SEMA3E: variants seen among roughly 807,000 people sequenced by gnomAD.
SEMA3E encodes semaphorin 3E.
Under a neutral mutation model 93.6 loss-of-function variants are expected in SEMA3E, and 49 were observed. The observed-to-expected ratio is 0.52, with a 90% CI of 0.42 to 0.66. SEMA3E has a LOEUF of 0.66. SEMA3E is among the 30% of genes least tolerant of loss of function. The pLI, the probability that SEMA3E is intolerant of heterozygous loss-of-function variation, is 0.00. For missense variants in SEMA3E, 906 were observed against 964.8 expected (o/e 0.94, Z 0.81); for synonymous variants, 363 against 330.7 (o/e 1.10, Z -1.06).
intron 1 of SEMA3E, among the ~76,000 whole-genome samples, chr7:83,580,243 A>T (rs1367648551): frequency 6.6e-6 from 1 of 151,964 alleles, no homozygotes; most frequent in Non-Finnish European, 1.5e-5. Context: ...AAATGTTTGG[A>T]TTGCCTGTAA....
chr7:83,498,404 G>C (rs991783266), intron 1 of SEMA3E, among the ~76,000 whole-genome samples: 1 of 151,916 alleles, frequency 6.6e-6, no homozygotes, highest in Non-Finnish European at 1.5e-5. Flanking sequence ...ACACAAATCC[G>C]ATTTTAGTAT....
intron 12 of SEMA3E, among the ~76,000 whole-genome samples, chr7:83,395,667 T>G (rs2115595429): frequency 6.6e-6 from 1 of 152,290 alleles, no homozygotes; most frequent in East Asian, 1.9e-4. Flanking sequence ...ATGTCTGTGC[T>G]TTTTGTTGAT....
chr7:83,583,288 C>T (rs1792552179), intron 1 of SEMA3E, among the ~76,000 whole-genome samples: 1 of 152,080 alleles, frequency 6.6e-6, no homozygotes, highest in Non-Finnish European at 1.5e-5. Context: ...TACATATATG[C>T]ATTGTGTAAT....
chr7:83,479,524 A>T (rs895159928), intron 2 of SEMA3E, among the ~76,000 whole-genome samples: 3 of 152,228 alleles, frequency 2.0e-5, no homozygotes, highest in African/African-American at 7.2e-5. Context: ...TTTCTATGGT[A>T]GCACATTAGA....
intron 6 of SEMA3E, 49 bp from the exon 7 acceptor site, chr7:83,407,288 A>C: frequency 1.4e-6 from 2 of 1,437,638 alleles, no homozygotes; most frequent in East Asian, 4.6e-5. Flanking sequence ...ATTACAACTA[A>C]ATGCTAACAA....
chr7:83,538,545 G>A (rs147633191), intron 1 of SEMA3E, among the ~76,000 whole-genome samples: 3 of 152,004 alleles, frequency 2.0e-5, no homozygotes, highest in Admixed American at 2.0e-4. Flanking sequence ...CCTCCAGTAG[G>A]CATATGCACA....
chr7:83,563,191 A>C (rs1792072738), intron 1 of SEMA3E, among the ~76,000 whole-genome samples: 3 of 152,176 alleles, frequency 2.0e-5, no homozygotes, highest in Admixed American at 2.0e-4. Flanking sequence ...TACAGCGTTG[A>C]TCAACACAGA....
chr7:83,376,594 T>C (rs1297211840), intron 16 of SEMA3E, among the ~76,000 whole-genome samples: 1 of 152,054 alleles, frequency 6.6e-6, no homozygotes, highest in Non-Finnish European at 1.5e-5. Flanking sequence ...TTAATTGACT[T>C]TGGTGAATTT....
chr7:83,373,174 C>T (rs1002269133), intron 16 of SEMA3E: 22 of 152,062 alleles, frequency 1.4e-4, no homozygotes, highest in African/African-American at 5.3e-4. Context: ...GAACAAAGAA[C>T]TCTGAACATC....
intron 1 of SEMA3E, among the ~76,000 whole-genome samples, chr7:83,539,048 G>A (rs1791464670): frequency 6.6e-6 from 1 of 152,000 alleles, no homozygotes; most frequent in South Asian, 2.1e-4. Flanking sequence ...GCTCTGAGTG[G>A]GTAGGTGGGG....
intron 14 of SEMA3E, among the ~76,000 whole-genome samples, chr7:83,388,733 C>A (rs1348756768): frequency 6.6e-6 from 1 of 151,622 alleles, no homozygotes; most frequent in Non-Finnish European, 1.5e-5. Flanking sequence ...ATGCATATTT[C>A]TTCCCTTTCC....
intron 5 of SEMA3E, among the ~76,000 whole-genome samples, chr7:83,417,295 A>C (rs1788572371): frequency 6.6e-6 from 1 of 152,032 alleles, no homozygotes; most frequent in Non-Finnish European, 1.5e-5. Flanking sequence ...AGATGTAGGG[A>C]ATAGAATGCA....
intron 16 of SEMA3E, among the ~76,000 whole-genome samples, chr7:83,382,655 TTAA>T (rs1219164129): frequency 6.6e-6 from 1 of 151,480 alleles, no homozygotes; most frequent in Non-Finnish European, 1.5e-5. Flanking sequence ...TTTATAATTC[TTAA>T]TAACTTATTA....
intron 1 of SEMA3E, among the ~76,000 whole-genome samples, chr7:83,613,020 T>C (rs1793296986): frequency 6.6e-6 from 1 of 152,108 alleles, no homozygotes; most frequent in Non-Finnish European, 1.5e-5. Context: ...TAAATACATT[T>C]AAATAATTTA....
At chr7:83,369,954 A>T (rs538462403) in intron 16 of SEMA3E, among the ~76,000 whole-genome samples, 8 of 152,288 alleles carry the variant, frequency 5.3e-5, no homozygotes, top group Admixed American at 4.6e-4. Context: ...TGCATTTGAT[A>T]TGGATGAAAT....
chr7:83,611,406 A>T (rs543751056), intron 1 of SEMA3E, among the ~76,000 whole-genome samples: 1 of 144,944 alleles, frequency 6.9e-6, no homozygotes, highest in East Asian at 2.0e-4. Context: ...ATATATATAT[A>T]TCTCACATCC....
intron 4 of SEMA3E, among the ~76,000 whole-genome samples, chr7:83,457,279 G>C (rs1172402635): frequency 6.6e-6 from 1 of 151,856 alleles, no homozygotes; most frequent in African/African-American, 2.4e-5. Context: ...ACTCCCCCAG[G>C]GTTTAATAAT....
intron 1 of SEMA3E, among the ~76,000 whole-genome samples, chr7:83,636,225 C>T (rs936640161): frequency 6.6e-6 from 1 of 152,088 alleles, no homozygotes; most frequent in African/African-American, 2.4e-5. Context: ...TAAAGCAGTC[C>T]TGGATTTCTC....
intron 1 of SEMA3E, among the ~76,000 whole-genome samples, chr7:83,626,145 G>A (rs1417500864): frequency 1.3e-5 from 2 of 152,130 alleles, no homozygotes; most frequent in African/African-American, 2.4e-5. Context: ...ATGTTCATCA[G>A]GGATATTGGA....
Sources: allele counts gnomAD v4.1 joint callset (sites outside exome capture counted in the v4.1 genomes callset), GRCh38; gene constraint gnomAD v4.1.1; transcripts MANE v1.5; gene names NCBI Gene and HGNC (gene_info 2026-07-23, HGNC 2026-07-21).